The following KLF2 variants were observed in gnomAD, a reference collection of about 807,000 sequenced individuals.
KLF2 encodes Krueppel-like factor 2.
Under a neutral mutation model 22.2 loss-of-function variants are expected in KLF2, and 9 were observed. That is an observed-to-expected ratio of 0.40 (90% CI 0.24 to 0.71). KLF2 has a LOEUF of 0.71. Ranked by LOEUF, KLF2 falls within the 30% of genes least tolerant of loss-of-function variation. The pLI is 0.35. For missense variants in KLF2, 481 were observed against 542.1 expected, an observed-to-expected ratio of 0.89 and a Z score of 1.12; for synonymous variants, 299 against 264.2, an observed-to-expected ratio of 1.13 and a Z score of -1.28.
Position 16,325,335 on chromosome 19 carries a change from G to A in KLF2, c.195G>A (p.Pro65=), listed in dbSNP as rs1170981981. Residue 65 remains proline, a synonymous_variant, in exon 2 of 3, where the codon CCG becomes CCA. Transcript: ENST00000248071. Reference sequence around the variant, plus strand: ...GCGCCGAGGCCGCCCCGGAGCCGCCGCCGCCGCCCCCGCCGCCTGCGTTCT... The same window carrying A: ...GCGCCGAGGCCGCCCCGGAGCCGCCACCGCCGCCCCCGCCGCCTGCGTTCT... The part of the protein sequence containing the change: ...GLGAEAAPEP[P]PPPPPPAFYY... The A allele has an allele frequency of 6.1e-6, 9 of 1,472,318 alleles. No homozygotes were observed. Among genetic ancestry groups the A allele is most frequent in the Admixed American group, 2.6e-5 (1 of 38,210 alleles). 91.2% of individuals were successfully genotyped at this position (1,472,318 alleles called of 1,614,324 possible).
chr19:16,326,692 G>A (rs1170086559), intron 2 of KLF2, among the ~76,000 whole-genome samples, 164 bp from the exon 3 acceptor site: 1 of 152,086 alleles, frequency 6.6e-6, no homozygotes, highest in African/African-American at 2.4e-5. Flanking sequence ...GATCCGGATT[G>A]TGGGGGGAGT....
In KLF2 at chr19:16,326,884, C is replaced by A. The variant is rs1365469296; in HGVS notation, c.921C>A (p.Asp307Glu). The A allele has an allele frequency of 6.2e-7, 1 of 1,612,676 alleles. No homozygotes were observed. Among genetic ancestry groups the A allele is most frequent in the African/African-American group, 1.3e-5 (1 of 75,054 alleles). The change falls in exon 3 of 3, where the codon GAC becomes GAA. Residue 307 changes from aspartate (D) to glutamate (E), a missense_variant. Coordinates refer to ENST00000248071, the MANE Select transcript of KLF2 (RefSeq NM_016270.4). ...AGAAGCCCTACCACTGCAACTGGGA[C>A]GGCTGCGGCTGGAAGTTTGCGCGCT... ...TGEKPYHCNW[D>E]GCGWKFARSD...
At chr19:16,326,056 A>C in intron 2 of KLF2, 24 bp downstream of exon 2, 1 of 1,529,160 alleles carries the variant, frequency 6.5e-7, no homozygotes. Context: ...ACGAGCCAGG[A>C]GCGCAGGCGG....
In KLF2 at chr19:16,325,232, A is replaced by G; in HGVS notation, c.92A>G (p.Glu31Gly). The change falls in exon 2 of 3, where the codon GAA becomes GGA. Residue 31 changes from glutamate (E) to glycine (G), a missense_variant. Glu to Gly is a moderately conservative substitution (Grantham distance 98, BLOSUM62 -2). This residue lies in a region of KLF2 where 421 missense variants were observed against 435.1 expected (regional missense o/e 0.97). Coordinates refer to ENST00000248071, the MANE Select transcript of KLF2 (RefSeq NM_016270.4). Reference protein sequence around the residue: ...RGLQERWPRAEPESGGTDDDL... With the variant: ...RGLQERWPRAGPESGGTDDDL... The stretch of plus-strand genomic sequence containing the variant: ...CGCCCGCAGCGCTGGCCGCGCGCCG[A>G]ACCCGAGTCCGGCGGCACCGACGAC... The G allele has an allele frequency of 6.5e-7, 1 of 1,531,294 alleles. No individual in the cohort carries two copies. Among genetic ancestry groups the G allele is most frequent in the Admixed American group, 2.0e-5 (1 of 49,914 alleles). The allele number at this position is 1,531,294 out of a possible 1,614,324, so 94.9% of individuals were successfully genotyped here. A position where few individuals can be genotyped will look rare whatever the true frequency, so the allele number is the denominator to read the frequency against.
At chr19:16,326,471 G>A (rs2091890609) in intron 2 of KLF2, among the ~76,000 whole-genome samples, 1 of 152,024 alleles carries the variant, frequency 6.6e-6, no homozygotes, top group Non-Finnish European at 1.5e-5. Flanking sequence ...GGGAGATGCT[G>A]CGTCTCAGGA....
Position 16,327,093 on chromosome 19 carries a change from C to T in KLF2, c.*62C>T, listed in dbSNP as rs989043171. 3.2e-5 allele frequency: 46 copies of T among 1,428,708 alleles called. No homozygotes were observed. In the African/African-American group the frequency reaches 5.6e-4, roughly 17 times the overall value. The allele number at this position is 1,428,708 out of a possible 1,614,324, so 88.5% of individuals were successfully genotyped here. On this transcript the variant is annotated 3_prime_UTR_variant, in exon 3 of 3. Coordinates refer to ENST00000248071, the MANE Select transcript of KLF2 (RefSeq NM_016270.4). ...GGGTCCCACGCGCCGGGCGCGGCCC[C>T]CTCCCAAACTGTGACTGGTATTTAT...
In KLF2 at chr19:16,325,722, G is replaced by A. The variant is rs1178007197; in HGVS notation, c.582G>A (p.Pro194=). Residue 194 remains proline (P), a synonymous_variant, in exon 2 of 3, where the codon CCG becomes CCA. Transcript: ENST00000248071. ...LPAPGPRASF[P]PPFGGPGFGA... is the part of the protein sequence containing the mutation. Reference sequence around the variant, plus strand: ...CGCCCGGTCCGCGCGCCTCCTTCCCGCCGCCTTTCGGTGGCCCTGGTTTCG... The same window carrying A: ...CGCCCGGTCCGCGCGCCTCCTTCCCACCGCCTTTCGGTGGCCCTGGTTTCG... 1.1e-5 allele frequency: 13 copies of A among 1,195,394 alleles called. No individual in the cohort carries two copies. The highest frequency in any genetic ancestry group is 4.8e-5 in the African/African-American group (3 of 62,056). The allele number at this position is 1,195,394 out of a possible 1,614,324, so 74.0% of individuals were successfully genotyped here.
chr19:16,326,531 G>A (rs527752011), intron 2 of KLF2, among the ~76,000 whole-genome samples: 29 of 152,044 alleles, frequency 1.9e-4, no homozygotes, highest in Non-Finnish European at 3.8e-4. Context: ...CAAGGCTCAG[G>A]ACCTTGGGGA....
rs4808046 is a variant in KLF2 at position 16,328,579 on chromosome 19, G to T, written c.*1548G>T. Among the ~76,000 whole-genome samples, 1 of 152,186 alleles carries T rather than the reference G, an allele frequency of 6.6e-6. No homozygotes were observed. The highest frequency in any genetic ancestry group is 6.5e-5 in the Admixed American group (1 of 15,282). On this transcript the variant is annotated 3_prime_UTR_variant, in exon 3 of 3. Coordinates refer to ENST00000248071, the MANE Select transcript of KLF2 (RefSeq NM_016270.4). ...TGCATCCTTCCTCCTCCCCAACTAC[G>T]GCAGCCCTGGAAACAGCTGAGAGGT...
In KLF2 at chr19:16,325,809, C is replaced by T; in HGVS notation, c.669C>T (p.Asp223=). ...PPAPPAFGLF[D]DAAAAAAALG... ...CGCCCCCAGCCTTCGGTCTCTTCGA[C>T]GACGCGGCCGCCGCCGCGGCAGCCC... Residue 223 remains aspartate, a synonymous_variant, in exon 2 of 3, where the codon GAC becomes GAT. Coordinates refer to ENST00000248071, the MANE Select transcript of KLF2 (RefSeq NM_016270.4). 1 of 1,349,694 alleles carries T rather than the reference C, an allele frequency of 7.4e-7. No individual in the cohort carries two copies. The allele number at this position is 1,349,694 out of a possible 1,614,324, so 83.6% of individuals were successfully genotyped here.
Position 16,325,721 on chromosome 19 carries a change from C to T in KLF2, c.581C>T (p.Pro194Leu). ...GCGCCCGGTCCGCGCGCCTCCTTCC[C>T]GCCGCCTTTCGGTGGCCCTGGTTTC... is the stretch of plus-strand genomic sequence containing the variant. ...LPAPGPRASF[P>L]PPFGGPGFGA... Residue 194 changes from proline to leucine, a missense_variant, in exon 2 of 3, where the codon CCG becomes CTG. Coordinates refer to ENST00000248071, the MANE Select transcript of KLF2 (RefSeq NM_016270.4). 1.7e-6 allele frequency: 2 copies of T among 1,195,854 alleles called. No homozygotes were observed. The highest frequency in any genetic ancestry group is 4.6e-5 in the Admixed American group (1 of 21,870). The allele number at this position is 1,195,854 out of a possible 1,614,324, so 74.1% of individuals were successfully genotyped here.
Position 16,325,011 on chromosome 19 carries a change from G to T in KLF2, c.75+13G>T, listed in dbSNP as rs766251954. ...CGGCCTGCAGGAGGTGAGGGCGGCG[G>T]GGACGGCGGGGCGGCCGGGACCGTG... is the stretch of plus-strand genomic sequence containing the variant. On this transcript the variant is annotated intron_variant, in intron 1 of 2. Transcript: ENST00000248071. 1.6e-5 allele frequency: 25 copies of T among 1,568,688 alleles called. No homozygotes were observed. Among genetic ancestry groups the T allele is most frequent in the Non-Finnish European group, 2.1e-5 (24 of 1,158,796 alleles).
chr19:16,326,053 A>G (rs1599497567), intron 2 of KLF2, 21 bp downstream of exon 2: 3 of 1,531,820 alleles, frequency 2.0e-6, no homozygotes, highest in Non-Finnish European at 2.6e-6. Flanking sequence ...CGCACGAGCC[A>G]GGAGCGCAGG....
At position 16,325,874 on chromosome 19, in the gene KLF2, C is replaced by T; in HGVS notation, c.734C>T (p.Pro245Leu). The stretch of plus-strand genomic sequence containing the variant: ...CCCGCCGCCCGCGGTCTCCTCACGC[C>T]GCCTGCGTCCCCGCTGGAGCTGCTG... Reference protein sequence around the residue: ...APPAARGLLTPPASPLELLEA... With the variant: ...APPAARGLLTLPASPLELLEA... The change falls in exon 2 of 3, where the codon CCG becomes CTG. Residue 245 changes from proline to leucine, a missense_variant. By Grantham distance (98) the Pro-to-Leu change is moderately conservative. Around this residue, in one of 2 missense-constraint regions of KLF2, gnomAD observed 421 missense variants for 435.1 expected, o/e 0.97. Transcript: ENST00000248071. 2 of 1,465,384 alleles carry T rather than the reference C, an allele frequency of 1.4e-6. No individual in the cohort carries two copies. The highest frequency in any genetic ancestry group is 1.8e-6 in the Non-Finnish European group (2 of 1,116,048). 90.8% of individuals were successfully genotyped at this position (1,465,384 alleles called of 1,614,324 possible). A position where few individuals can be genotyped will look rare whatever the true frequency, so the allele number is the denominator to read the frequency against.
Position 16,327,075 on chromosome 19 carries a change from ACGCGCCGGGCGCGGCCCC to A in KLF2, c.*46_*63del. 6.7e-7 allele frequency: 1 copy of A among 1,491,888 alleles called. No homozygotes were observed. Among genetic ancestry groups the A allele is most frequent in the Non-Finnish European group, 8.9e-7 (1 of 1,117,496 alleles). 92.4% of individuals were successfully genotyped at this position (1,491,888 alleles called of 1,614,324 possible). A position where few individuals can be genotyped will look rare whatever the true frequency, so the allele number is the denominator to read the frequency against. Reference sequence around the variant, plus strand: ...CCTGCGCGCGGCCGTGGCGGGTCCCACGCGCCGGGCGCGGCCCCCTCCCAAACTGTGACTGGTATTTAT... The same window carrying A: ...CCTGCGCGCGGCCGTGGCGGGTCCCACTCCCAAACTGTGACTGGTATTTAT... On this transcript the variant is annotated 3_prime_UTR_variant, in exon 3 of 3. Coordinates refer to ENST00000248071, the MANE Select transcript of KLF2 (RefSeq NM_016270.4).
chr19:16,325,817 C>T lies in KLF2; in HGVS notation c.677C>T (p.Ala226Val), dbSNP rs2091887997. Residue 226 changes from alanine to valine, a missense_variant, in exon 2 of 3, where the codon GCC becomes GTC. Physicochemically the swap from Ala to Val is moderately conservative, Grantham distance 64. Around this residue, in one of 2 missense-constraint regions of KLF2, gnomAD observed 421 missense variants for 435.1 expected, o/e 0.97. Coordinates refer to ENST00000248071, the MANE Select transcript of KLF2 (RefSeq NM_016270.4). ...GCCTTCGGTCTCTTCGACGACGCGG[C>T]CGCCGCCGCGGCAGCCCTGGGCCTG... ...PPAFGLFDDA[A>V]AAAAALGLAP... The T allele has an allele frequency of 7.4e-7, 1 of 1,352,584 alleles. No individual in the cohort carries two copies. The highest frequency in any genetic ancestry group is 1.8e-5 in the South Asian group (1 of 55,196). 83.8% of individuals were successfully genotyped at this position (1,352,584 alleles called of 1,614,324 possible).
At position 16,325,797 on chromosome 19, in the gene KLF2, C is replaced by T; in HGVS notation, c.657C>T (p.Phe219=). The change falls in exon 2 of 3, where the codon TTC becomes TTT. Residue 219 remains phenylalanine, a synonymous_variant. Coordinates refer to ENST00000248071, the MANE Select transcript of KLF2 (RefSeq NM_016270.4). ...ACGCGCCGCCTGCGCCCCCAGCCTT[C>T]GGTCTCTTCGACGACGCGGCCGCCG... ...LHYAPPAPPA[F]GLFDDAAAAA... is the part of the protein sequence containing the mutation. The T allele has an allele frequency of 7.5e-7, 1 of 1,336,362 alleles. No individual in the cohort carries two copies. Among genetic ancestry groups the T allele is most frequent in the Non-Finnish European group, 9.5e-7 (1 of 1,051,528 alleles). The allele number at this position is 1,336,362 out of a possible 1,614,324, so 82.8% of individuals were successfully genotyped here. A position where few individuals can be genotyped will look rare whatever the true frequency, so the allele number is the denominator to read the frequency against.
intron 2 of KLF2, among the ~76,000 whole-genome samples, chr19:16,326,502 C>T (rs1373700466): frequency 6.6e-6 from 1 of 151,926 alleles, no homozygotes; most frequent in Admixed American, 6.6e-5. Flanking sequence ...GGCGCTCAGG[C>T]TTGGGACTCC....
chr19:16,325,226 G>C lies in KLF2; in HGVS notation c.86G>C (p.Arg29Pro). Reference protein sequence around the residue: ...RERGLQERWPRAEPESGGTDD... With the variant: ...RERGLQERWPPAEPESGGTDD... ...CCCTGTCGCCCGCAGCGCTGGCCGC[G>C]CGCCGAACCCGAGTCCGGCGGCACC... The change falls in exon 2 of 3, where the codon CGC becomes CCC. Residue 29 changes from arginine to proline, a missense_variant. Physicochemically the swap from Arg to Pro is moderately radical, Grantham distance 103. Around this residue, in one of 2 missense-constraint regions of KLF2, gnomAD observed 421 missense variants for 435.1 expected, o/e 0.97. Transcript: ENST00000248071. 1 of 1,528,024 alleles carries C rather than the reference G, an allele frequency of 6.5e-7. No individual in the cohort carries two copies. 94.7% of individuals were successfully genotyped at this position (1,528,024 alleles called of 1,614,324 possible).
Sources: gnomAD v4.1 joint callset for allele counts (sites outside exome capture counted in the v4.1 genomes callset) on GRCh38, gnomAD v4.1.1 for gene constraint, gnomAD v4.1.1 regional missense constraint, MANE v1.5 for transcripts, NCBI Gene and HGNC (gene_info 2026-07-23, HGNC 2026-07-21) for gene names.